FAM210B: variants seen among roughly 807,000 people sequenced by gnomAD.
The protein encoded by FAM210B is family with sequence similarity 210 member B.
Under a neutral mutation model 14.9 loss-of-function variants are expected in FAM210B, and 11 were observed. The ratio of observed to expected loss-of-function variants is 0.74; its 90% CI spans 0.46 to 1.22. FAM210B has a LOEUF of 1.22. Ranked by LOEUF, FAM210B falls within the 50% of genes most tolerant of loss-of-function variation. The pLI, the probability that FAM210B is intolerant of heterozygous loss-of-function variation, is 0.00. For synonymous variants in FAM210B, 113 were observed against 110.2 expected (o/e 1.03, Z -0.16); for missense variants, 229 against 250.1 (o/e 0.92, Z 0.57).
rs1983692060 is a variant in FAM210B, at chr20:56,368,303, C to CATTT, written c.*2019_*2022dup. 6.7e-6 allele frequency: 1 copy of CATTT among 148,396 alleles called. No individual in the cohort carries two copies. Among genetic ancestry groups the CATTT allele is most frequent in the African/African-American group, 2.5e-5 (1 of 39,226 alleles). 9.2% of individuals were successfully genotyped at this position (148,396 alleles called of 1,614,324 possible). A position where few individuals can be genotyped will look rare whatever the true frequency, so the allele number is the denominator to read the frequency against. ...CTCACCACTTTCTATGCCAGTCTCC[C>CATTT]ATTTATGTCCCTAGTAATGCCTATG... is the stretch of plus-strand genomic sequence containing the variant. On this transcript the variant is annotated 3_prime_UTR_variant, in exon 3 of 3. Coordinates refer to ENST00000371384, the MANE Select transcript of FAM210B (RefSeq NM_080821.3).
At position 56,359,362 on chromosome 20, in the gene FAM210B, G is replaced by A. The variant is rs1290440969; in HGVS notation, c.186+171G>A. 1.3e-5 allele frequency among the ~76,000 whole-genome samples: 2 copies of A among 152,244 alleles called. No individual in the cohort carries two copies. Among genetic ancestry groups the A allele is most frequent in the Non-Finnish European group, 2.9e-5 (2 of 68,044 alleles). ...CCCCAAATCCCTGCAAGCCAAGGAA[G>A]CGATCCTCCTAGTTGACAGCCAGAG... On this transcript the variant is annotated intron_variant, in intron 1 of 2. Transcript: ENST00000371384. This position sits in a 1 kb window ranked among gnomAD's most constrained non-coding sequence, Gnocchi z 4.3.
chr20:56,360,252 C>T (rs887470929), intron 1 of FAM210B: 3 of 470,340 alleles, frequency 6.4e-6, no homozygotes, highest in African/African-American at 4.0e-5. Context: ...CGTGCCGCCT[C>T]CTGATGATTC....
chr20:56,360,149 G>T, intron 1 of FAM210B: 1 of 468,568 alleles, frequency 2.1e-6, no homozygotes. Context: ...CATGCCTCCT[G>T]CCCAGATCAA....
Position 56,359,175 on chromosome 20 carries a change from A to C in FAM210B, c.170A>C (p.Asp57Ala), listed in dbSNP as rs1983482955. 4 of 1,236,022 alleles carry C rather than the reference A, an allele frequency of 3.2e-6. No homozygotes were observed. The highest frequency in any genetic ancestry group is 4.0e-6 in the Non-Finnish European group (4 of 993,104). The allele number at this position is 1,236,022 out of a possible 1,614,324, so 76.6% of individuals were successfully genotyped here. Residue 57 changes from aspartate to alanine, a missense_variant, in exon 1 of 3, where the codon GAC becomes GCC. Physicochemically the swap from Asp to Ala is moderately radical, Grantham distance 126 (BLOSUM62 -2). Around this residue, in one of 3 missense-constraint regions of FAM210B, gnomAD observed 144 missense variants for 132.5 expected, o/e 1.09. Coordinates refer to ENST00000371384, the MANE Select transcript of FAM210B (RefSeq NM_080821.3). The surrounding 1 kb of genome is among the most constrained non-coding windows in gnomAD (Gnocchi z 4.3). The part of the protein sequence containing the change: ...DARLLRTARG[D>A]CRGHQDPSQA... ...CGGCTGCTCCGCACGGCGCGCGGGG[A>C]CTGCCGCGGCCACCAGGTAAGCACC...
In FAM210B at chr20:56,359,756, A is replaced by G. The variant is rs1983493951; in HGVS notation, c.186+565A>G. On this transcript the variant is annotated intron_variant, in intron 1 of 2. Transcript: ENST00000371384. The surrounding 1 kb of genome is among the most constrained non-coding windows in gnomAD (Gnocchi z 4.3). ...CAGCTTTCCTTTCAAGAAATCTATC[A>G]CTTTCTTCCAAGTGAGTCTTTTTAA... 6.6e-6 allele frequency among the ~76,000 whole-genome samples: 1 copy of G among 152,146 alleles called. No homozygotes were observed. Among genetic ancestry groups the G allele is most frequent in the Non-Finnish European group, 1.5e-5 (1 of 68,028 alleles).
chr20:56,366,668 C>T lies in FAM210B; in HGVS notation c.*381C>T. The T allele has an allele frequency of 5.4e-6, 1 of 186,504 alleles. No individual in the cohort carries two copies. Among genetic ancestry groups the T allele is most frequent in the South Asian group, 1.1e-4 (1 of 8,976 alleles). 11.6% of individuals were successfully genotyped at this position (186,504 alleles called of 1,614,324 possible). On this transcript the variant is annotated 3_prime_UTR_variant, in exon 3 of 3. Transcript: ENST00000371384. ...TCCTAAAAAGCATTGATTAATTTAA[C>T]TGGCTTTTAAATATCCCCTTCCGCT... is the stretch of plus-strand genomic sequence containing the variant.
In FAM210B at chr20:56,359,035, G is replaced by C; in HGVS notation, c.30G>C (p.Pro10=). 7.4e-7 allele frequency: 1 copy of C among 1,347,992 alleles called. No homozygotes were observed. The highest frequency in any genetic ancestry group is 9.6e-7 in the Non-Finnish European group (1 of 1,043,992). The allele number at this position is 1,347,992 out of a possible 1,614,324, so 83.5% of individuals were successfully genotyped here. MAGLLALLG[P]AGRVGARVRP... is the part of the protein sequence containing the mutation. ...CCGGGTTGCTGGCGTTGCTGGGTCC[G>C]GCAGGCAGGGTGGGCGCCCGGGTCC... is the stretch of plus-strand genomic sequence containing the variant. Residue 10 remains proline, a synonymous_variant, in exon 1 of 3, where the codon CCG becomes CCC. Coordinates refer to ENST00000371384, the MANE Select transcript of FAM210B (RefSeq NM_080821.3). The surrounding 1 kb of genome is among the most constrained non-coding windows in gnomAD (Gnocchi z 4.3).
At position 56,359,094 on chromosome 20, in the gene FAM210B, C is replaced by A. The variant is rs2146106231; in HGVS notation, c.89C>A (p.Ala30Asp). The change falls in exon 1 of 3, where the codon GCC becomes GAC. Residue 30 changes from alanine to aspartate, a missense_variant. Coordinates refer to ENST00000371384, the MANE Select transcript of FAM210B (RefSeq NM_080821.3). The surrounding 1 kb of genome is among the most constrained non-coding windows in gnomAD (Gnocchi z 4.3). ...GCCACCTGGCTCCTGGGCGCCACCG[C>A]CCCCTGCGCCCCGCCGCCCCTGGCC... is the stretch of plus-strand genomic sequence containing the variant. ...PRATWLLGAT[A>D]PCAPPPLALA... is the part of the protein sequence containing the mutation. 1 of 1,338,460 alleles carries A rather than the reference C, an allele frequency of 7.5e-7. No individual in the cohort carries two copies. Among genetic ancestry groups the A allele is most frequent in the East Asian group, 3.3e-5 (1 of 30,742 alleles). 82.9% of individuals were successfully genotyped at this position (1,338,460 alleles called of 1,614,324 possible).
rs1165816925 is a variant in FAM210B at position 56,359,164 on chromosome 20, G to A, written c.159G>A (p.Thr53=). 2 of 1,239,068 alleles carry A rather than the reference G, an allele frequency of 1.6e-6. No individual in the cohort carries two copies. Among genetic ancestry groups the A allele is most frequent in the Non-Finnish European group, 2.0e-6 (2 of 995,230 alleles). The allele number at this position is 1,239,068 out of a possible 1,614,324, so 76.8% of individuals were successfully genotyped here. A position where few individuals can be genotyped will look rare whatever the true frequency, so the allele number is the denominator to read the frequency against. ...GGCTAGACGCCCGGCTGCTCCGCACGGCGCGCGGGGACTGCCGCGGCCACC... is the reference window on the plus strand; with the variant it reads ...GGCTAGACGCCCGGCTGCTCCGCACAGCGCGCGGGGACTGCCGCGGCCACC... ...PPRLDARLLR[T]ARGDCRGHQD... The change falls in exon 1 of 3, where the codon ACG becomes ACA. Residue 53 remains threonine (T), a synonymous_variant. Transcript: ENST00000371384. The surrounding 1 kb of genome is among the most constrained non-coding windows in gnomAD (Gnocchi z 4.3).
chr20:56,361,318 C>T (rs181500406), intron 1 of FAM210B, among the ~76,000 whole-genome samples: 7 of 152,288 alleles, frequency 4.6e-5, no homozygotes, highest in African/African-American at 1.7e-4. Context: ...GCACTTGTCA[C>T]AGGTAGCAGC....
At position 56,365,174 on chromosome 20, in the gene FAM210B, A is replaced by G. The variant is rs1384692565; in HGVS notation, c.274A>G (p.Ile92Val). 6.2e-7 allele frequency: 1 copy of G among 1,614,094 alleles called. No homozygotes were observed. The highest frequency in any genetic ancestry group is 1.7e-5 in the Admixed American group (1 of 60,014). ...AAGCAAGTCACAGCAACTGAAAAAG[A>G]TTTTTCAAGAGTATGGCACTGTTGG... ...KQSKSQQLKK[I>V]FQEYGTVGVS... Residue 92 changes from isoleucine to valine, a missense_variant, in exon 2 of 3, where the codon ATT (isoleucine) becomes GTT (valine). Ile to Val is a conservative substitution (Grantham distance 29). Coordinates refer to ENST00000371384, the MANE Select transcript of FAM210B (RefSeq NM_080821.3).
chr20:56,359,220 G>T lies in FAM210B; in HGVS notation c.186+29G>T. ...AGCACCCCACCCCGACCCTGATCCCGGGCGGTGTCCAGGTCCCCAGACGTC... is the reference window on the plus strand; with the variant it reads ...AGCACCCCACCCCGACCCTGATCCCTGGCGGTGTCCAGGTCCCCAGACGTC... On this transcript the variant is annotated intron_variant, in intron 1 of 2. Transcript: ENST00000371384. This position sits in a 1 kb window ranked among gnomAD's most constrained non-coding sequence, Gnocchi z 4.3. 1 of 1,223,396 alleles carries T rather than the reference G, an allele frequency of 8.2e-7. No individual in the cohort carries two copies. The highest frequency in any genetic ancestry group is 1.0e-6 in the Non-Finnish European group (1 of 983,460). The allele number at this position is 1,223,396 out of a possible 1,614,324, so 75.8% of individuals were successfully genotyped here. A position where few individuals can be genotyped will look rare whatever the true frequency, so the allele number is the denominator to read the frequency against.
In FAM210B at chr20:56,365,990, A is replaced by C; in HGVS notation, c.363-81A>C. ...GCTACTTCATTACATTTTTTAAAAT[A>C]CTGTAAATCTTATAGCCAAATCAAT... On this transcript the variant is annotated intron_variant, in intron 2 of 2. Coordinates refer to ENST00000371384, the MANE Select transcript of FAM210B (RefSeq NM_080821.3). 6.6e-6 allele frequency: 6 copies of C among 914,824 alleles called. 2 individuals are homozygous for C. The highest frequency in any genetic ancestry group is 1.8e-5 in the South Asian group (1 of 56,476). The allele number at this position is 914,824 out of a possible 1,614,324, so 56.7% of individuals were successfully genotyped here.
chr20:56,364,256 GAT>G (rs1983587126), intron 1 of FAM210B, among the ~76,000 whole-genome samples: 1 of 152,234 alleles, frequency 6.6e-6, no homozygotes, highest in Non-Finnish European at 1.5e-5. Context: ...TCTCAGCAGA[GAT>G]GGGTCCTTCT....
intron 1 of FAM210B, among the ~76,000 whole-genome samples, chr20:56,361,705 G>A (rs529144585): frequency 7.2e-5 from 11 of 152,216 alleles, no homozygotes; most frequent in African/African-American, 2.4e-4. Context: ...GGCCGGGCGC[G>A]GTGGCTCACG....
rs760258706 is a variant in FAM210B, at chr20:56,365,074, G to C, written c.187-13G>C. ...TGCCCTAAAGCACCTCCTCTTCTCT[G>C]ATTTGTACACAGGACCCCAGCCAGG... On this transcript the variant is annotated splice_polypyrimidine_tract_variant and intron_variant, in intron 1 of 2. Coordinates refer to ENST00000371384, the MANE Select transcript of FAM210B (RefSeq NM_080821.3). 6.2e-7 allele frequency: 1 copy of C among 1,609,828 alleles called. No individual in the cohort carries two copies. The highest frequency in any genetic ancestry group is 1.1e-5 in the South Asian group (1 of 90,566).
At chr20:56,364,721 A>G (rs561475428) in intron 1 of FAM210B, among the ~76,000 whole-genome samples, 53 of 152,264 alleles carry the variant, frequency 3.5e-4, no homozygotes, top group African/African-American at 1.2e-3. Context: ...TTGGGAGGCC[A>G]AGGCGGGTGG....
chr20:56,364,210 A>C (rs1380105400), intron 1 of FAM210B, among the ~76,000 whole-genome samples: 1 of 152,234 alleles, frequency 6.6e-6, no homozygotes, highest in Non-Finnish European at 1.5e-5. Flanking sequence ...TAGAGGTCAG[A>C]AGTCCAAAAT....
intron 1 of FAM210B, among the ~76,000 whole-genome samples, chr20:56,364,787 T>G (rs942167766): frequency 3.3e-5 from 5 of 152,060 alleles, no homozygotes; most frequent in African/African-American, 4.8e-5. Context: ...ACCCCATCTC[T>G]ACTAAAAATA....
Sources: allele counts gnomAD v4.1 joint callset (sites outside exome capture counted in the v4.1 genomes callset), GRCh38; gene constraint gnomAD v4.1.1; regional missense constraint gnomAD v4.1.1; non-coding constraint Gnocchi (gnomAD v3.1); transcripts MANE v1.5; gene names NCBI Gene and HGNC (gene_info 2026-07-23, HGNC 2026-07-21).